METTL4: variants seen among roughly 807,000 people sequenced by gnomAD.
The protein encoded by METTL4 is N(6)-adenine-specific methyltransferase METTL4.
A neutral mutation model predicts 54.0 loss-of-function variants in METTL4; 40 were observed. The observed-to-expected ratio is 0.74, with a 90% CI of 0.58 to 0.96. The LOEUF (loss-of-function observed/expected upper bound fraction) is 0.96, where lower values mean the gene tolerates loss of function less well. METTL4 is among the 50% of genes least tolerant of loss of function. The pLI is 0.00. For missense variants in METTL4, 525 were observed against 549.0 expected, an observed-to-expected ratio of 0.96 and a Z score of 0.44; for synonymous variants, 169 against 183.8, an observed-to-expected ratio of 0.92 and a Z score of 0.65.
rs745368579 is a variant in METTL4 at position 2,547,369 on chromosome 18, A to G, written c.1060T>C (p.Trp354Arg). ...TCTGAACTTACTTTTACCCAGTGCCACTCAGCAACTACCTCCACAGACCAA... is the reference window on the plus strand; with the variant it reads ...TCTGAACTTACTTTTACCCAGTGCCGCTCAGCAACTACCTCCACAGACCAA... ...PSWSVEVVAE[W>R]HWVKITNSGE... Residue 354 changes from tryptophan (W) to arginine (R), a missense_variant, in exon 6 of 9, where the codon TGG becomes CGG. Trp to Arg is a moderately radical substitution (Grantham distance 101, BLOSUM62 -3). Coordinates refer to ENST00000574538, the MANE Select transcript of METTL4 (RefSeq NM_022840.5). 6.3e-7 allele frequency: 1 copy of G among 1,579,398 alleles called. No individual in the cohort carries two copies. The highest frequency in any genetic ancestry group is 8.6e-7 in the Non-Finnish European group (1 of 1,166,070).
chr18:2,538,969 G>A lies in METTL4; in HGVS notation c.*31C>T. On this transcript the variant is annotated 3_prime_UTR_variant, in exon 9 of 9. Coordinates refer to ENST00000574538, the MANE Select transcript of METTL4 (RefSeq NM_022840.5). ...AAGGGAAAAGTGGTGAGGAAACAATGAAGAAACCACTACTTTAATCAAGAT... is the reference window on the plus strand; with the variant it reads ...AAGGGAAAAGTGGTGAGGAAACAATAAAGAAACCACTACTTTAATCAAGAT... 6.3e-7 allele frequency: 1 copy of A among 1,597,806 alleles called. No homozygotes were observed. The highest frequency in any genetic ancestry group is 8.5e-7 in the Non-Finnish European group (1 of 1,171,402).
intron 3 of METTL4, among the ~76,000 whole-genome samples, chr18:2,556,535 G>GA (rs1431028433): frequency 2.0e-5 from 3 of 151,814 alleles, no homozygotes; most frequent in Non-Finnish European, 4.4e-5. Flanking sequence ...ATTATAAAAG[G>GA]AAAAAATCAC....
intron 8 of METTL4, 54 bp downstream of exon 8, chr18:2,544,141 A>G (rs2072033977): frequency 6.4e-6 from 9 of 1,398,504 alleles, no homozygotes; most frequent in Non-Finnish European, 8.0e-6. Flanking sequence ...CTAAATGTAC[A>G]CTTTTTTTCA....
chr18:2,544,136 T>G (rs1167991771), intron 8 of METTL4, 59 bp downstream of exon 8: 2 of 1,349,976 alleles, frequency 1.5e-6, no homozygotes. Context: ...AAATACTAAA[T>G]GTACACTTTT....
chr18:2,560,244 T>C (rs1489065427), intron 3 of METTL4, among the ~76,000 whole-genome samples: 1 of 152,150 alleles, frequency 6.6e-6, no homozygotes, highest in Non-Finnish European at 1.5e-5. Flanking sequence ...TAAATTCTTC[T>C]ATCAATAAAT....
chr18:2,542,861 C>T (rs1297379572), intron 8 of METTL4, among the ~76,000 whole-genome samples: 1 of 152,120 alleles, frequency 6.6e-6, no homozygotes, highest in African/African-American at 2.4e-5. Context: ...GGTGCGGTGG[C>T]TCATGCCTGT....
chr18:2,549,819 TAA>T (rs397758263), intron 5 of METTL4, among the ~76,000 whole-genome samples: 1 of 79,062 alleles, frequency 1.3e-5, no homozygotes. Context: ...CCATCTCTAC[TAA>T]AAAAAAAAAA....
chr18:2,554,926 A>G lies in METTL4; in HGVS notation c.572T>C (p.Leu191Ser). ...KQDKGSKPIT[L>S]PLDACSLSEL... ...TGACAAACTGCAGGCGTCAAGTGGT[A>G]AAGTAATGGGCTTACTACCCTTGTC... Residue 191 changes from leucine to serine, a missense_variant, in exon 4 of 9, where the codon TTA (leucine) becomes TCA (serine). Coordinates refer to ENST00000574538, the MANE Select transcript of METTL4 (RefSeq NM_022840.5). The G allele has an allele frequency of 6.2e-7, 1 of 1,614,150 alleles. No homozygotes were observed. Among genetic ancestry groups the G allele is most frequent in the Middle Eastern group, 1.7e-4 (1 of 6,060 alleles).
chr18:2,569,738 C>A (rs1320089742), intron 1 of METTL4, among the ~76,000 whole-genome samples: 1 of 152,184 alleles, frequency 6.6e-6, no homozygotes, highest in Non-Finnish European at 1.5e-5. Flanking sequence ...CAGGGCTTTC[C>A]CCATATCTTC....
At chr18:2,544,783 G>A in intron 6 of METTL4, 24 bp from the exon 7 acceptor site, 1 of 1,526,642 alleles carries the variant, frequency 6.6e-7, no homozygotes, top group East Asian at 2.3e-5. Flanking sequence ...GCCAACAAAA[G>A]AGGGTTATTT....
rs16943450 is a variant in METTL4, at chr18:2,564,080, A to G, written c.397-221T>C. ...CAACATAAACAAAATGGATTGTAAA[A>G]GGTCACCTCAGCTTTATCTGCTATT... On this transcript the variant is annotated intron_variant, in intron 2 of 8. Transcript: ENST00000574538. Among the ~76,000 whole-genome samples the G allele has an allele frequency of 6.8e-3, 1,042 of 152,282 alleles. 11 individuals are homozygous for G. Among genetic ancestry groups the G allele is most frequent in the African/African-American group, 0.023 (949 of 41,562 alleles).
chr18:2,549,228 T>C (rs1338476527), intron 5 of METTL4, among the ~76,000 whole-genome samples: 1 of 152,238 alleles, frequency 6.6e-6, no homozygotes, highest in African/African-American at 2.4e-5. Context: ...ATCCCTCCGG[T>C]TGTATTCTCT....
chr18:2,554,467 C>T, intron 4 of METTL4: 1 of 519,510 alleles, frequency 1.9e-6, no homozygotes, highest in East Asian at 3.3e-5. Flanking sequence ...TAGCTTTTGA[C>T]TCTTTATTCA....
chr18:2,566,046 C>T (rs1598357465), intron 2 of METTL4, among the ~76,000 whole-genome samples: 2 of 82,874 alleles, frequency 2.4e-5, no homozygotes, highest in Non-Finnish European at 5.1e-5. Flanking sequence ...GACTCTGTCT[C>T]AAATAAATAA....
chr18:2,562,683 T>C (rs1415446882), intron 3 of METTL4, among the ~76,000 whole-genome samples: 1 of 152,104 alleles, frequency 6.6e-6, no homozygotes, highest in Non-Finnish European at 1.5e-5. Flanking sequence ...AAGATGAACA[T>C]TGTATGATTC....
chr18:2,559,435 C>T (rs9989554), intron 3 of METTL4, among the ~76,000 whole-genome samples: 92,717 of 145,830 alleles, frequency 0.64, 28,714 homozygotes, highest in East Asian at 0.78. Flanking sequence ...AGTTACCAGG[C>T]AGCAGGGGAA....
chr18:2,570,652 C>T (rs2072489243), intron 1 of METTL4, among the ~76,000 whole-genome samples: 1 of 152,134 alleles, frequency 6.6e-6, no homozygotes, highest in African/African-American at 2.4e-5. Context: ...CCATCCCCTT[C>T]ATAGGCCACA....
intron 3 of METTL4, among the ~76,000 whole-genome samples, chr18:2,557,171 T>C (rs1598351529): frequency 6.6e-6 from 1 of 151,720 alleles, no homozygotes; most frequent in Non-Finnish European, 1.5e-5. Context: ...CAGGACAGAA[T>C]ATCAGAGAGG....
At chr18:2,540,841 G>A in intron 8 of METTL4, 1 of 985,388 alleles carries the variant, frequency 1.0e-6, no homozygotes, top group Non-Finnish European at 1.2e-6. Context: ...TCAGATTTTT[G>A]GTACGAAGAT....
Sources: gnomAD v4.1 joint callset for allele counts (sites outside exome capture counted in the v4.1 genomes callset) on GRCh38, gnomAD v4.1.1 for gene constraint, MANE v1.5 for transcripts, NCBI Gene and HGNC (gene_info 2026-07-23, HGNC 2026-07-21) for gene names.